Variants in IGF2BP3 observed in about 807,000 individuals in gnomAD.
IGF2BP3 encodes the protein insulin-like growth factor 2 mRNA-binding protein 3.
A neutral mutation model predicts 73.8 loss-of-function variants in IGF2BP3; 9 were observed. The observed-to-expected ratio is 0.12, with a 90% CI of 0.07 to 0.21. The LOEUF (loss-of-function observed/expected upper bound fraction) is 0.21. Ranked by LOEUF, IGF2BP3 falls within the 10% of genes least tolerant of loss-of-function variation. IGF2BP3 has a pLI of 1.00. For synonymous variants in IGF2BP3, 258 were observed against 256.7 expected (o/e 1.01, Z -0.05); for missense variants, 542 against 714.0 (o/e 0.76, Z 2.75).
At chr7:23,406,661 G>T (rs1388079390) in intron 3 of IGF2BP3, among the ~76,000 whole-genome samples, 4 of 152,130 alleles carry the variant, frequency 2.6e-5, no homozygotes, top group African/African-American at 9.7e-5. Context: ...TGTGGAAGGG[G>T]ACCCTGGCGG....
chr7:23,417,739 C>T (rs1437671824), intron 3 of IGF2BP3, among the ~76,000 whole-genome samples: 4 of 152,168 alleles, frequency 2.6e-5, no homozygotes, highest in Non-Finnish European at 4.4e-5. Flanking sequence ...ACCTATCCCA[C>T]AAGCTACTGA....
At chr7:23,331,502 G>C (rs184167680) in intron 10 of IGF2BP3, among the ~76,000 whole-genome samples, 8 of 152,230 alleles carry the variant, frequency 5.3e-5, no homozygotes, top group East Asian at 3.9e-4. Flanking sequence ...AGATGAGACA[G>C]AGTGAGACTC....
chr7:23,381,973 T>C (rs982778326), intron 3 of IGF2BP3, among the ~76,000 whole-genome samples: 3 of 152,146 alleles, frequency 2.0e-5, no homozygotes, highest in African/African-American at 7.2e-5. Context: ...TGCCACTATG[T>C]GACCTGGTGC....
At chr7:23,458,173 C>G (rs983932744) in intron 2 of IGF2BP3, among the ~76,000 whole-genome samples, 15 of 151,990 alleles carry the variant, frequency 9.9e-5, no homozygotes, top group Non-Finnish European at 2.9e-5. Flanking sequence ...TCTAACTTCC[C>G]AAGACCTCAA....
chr7:23,425,956 A>T (rs1787496858), intron 2 of IGF2BP3, among the ~76,000 whole-genome samples: 1 of 149,064 alleles, frequency 6.7e-6, no homozygotes, highest in Non-Finnish European at 1.5e-5. Flanking sequence ...ACAGGGTGAG[A>T]TCCTATCTCA....
chr7:23,448,284 T>C (rs1021411018), intron 2 of IGF2BP3, among the ~76,000 whole-genome samples: 13 of 152,362 alleles, frequency 8.5e-5, no homozygotes, highest in African/African-American at 2.6e-4. Context: ...TATCAACATG[T>C]AGGGTTCATT....
chr7:23,346,120 A>C, intron 7 of IGF2BP3, 58 bp from the exon 8 acceptor site: 1 of 1,555,864 alleles, frequency 6.4e-7, no homozygotes, highest in Non-Finnish European at 8.7e-7. Flanking sequence ...GTGGGTAAAA[A>C]GACAATATTC....
chr7:23,438,817 T>G (rs1280839128), intron 2 of IGF2BP3, among the ~76,000 whole-genome samples: 1 of 148,972 alleles, frequency 6.7e-6, no homozygotes, highest in Non-Finnish European at 1.5e-5. Flanking sequence ...AGATGACAGA[T>G]TTCCAGTAGC....
intron 9 of IGF2BP3, 150 bp from the exon 10 acceptor site, chr7:23,342,339 G>A: frequency 2.3e-6 from 2 of 860,980 alleles, no homozygotes; most frequent in South Asian, 1.6e-5. Flanking sequence ...CTCTACTTGA[G>A]TACATCGTTT....
chr7:23,439,499 G>A (rs947779860), intron 2 of IGF2BP3, among the ~76,000 whole-genome samples: 1 of 144,012 alleles, frequency 6.9e-6, no homozygotes, highest in Admixed American at 7.1e-5. Flanking sequence ...GGAGCTTGCA[G>A]TGAGCCAAGA....
chr7:23,430,326 G>C (rs1339468108), intron 2 of IGF2BP3, among the ~76,000 whole-genome samples: 1 of 152,112 alleles, frequency 6.6e-6, no homozygotes, highest in Admixed American at 6.5e-5. Flanking sequence ...CTCGTGATCC[G>C]CCCGCCTCGG....
intron 2 of IGF2BP3, among the ~76,000 whole-genome samples, chr7:23,426,194 G>A (rs1787504965): frequency 6.6e-6 from 1 of 151,820 alleles, no homozygotes; most frequent in African/African-American, 2.4e-5. Context: ...AGGCATGGTG[G>A]CACAGGCCTG....
intron 3 of IGF2BP3, chr7:23,405,139 G>A (rs1252777889): frequency 6.6e-6 from 1 of 152,152 alleles, no homozygotes; most frequent in Non-Finnish European, 1.5e-5. Context: ...TCACTTATGA[G>A]TAGTTACTCT....
intron 2 of IGF2BP3, among the ~76,000 whole-genome samples, chr7:23,430,394 T>G (rs980403666): frequency 3.9e-5 from 6 of 152,184 alleles, no homozygotes; most frequent in Non-Finnish European, 8.8e-5. Flanking sequence ...GCAAAAAAAC[T>G]GGAACACAAG....
rs200460472 is a variant in IGF2BP3 at position 23,361,625 on chromosome 7, A to G, written c.338-28T>C. The G allele has an allele frequency of 4.3e-5, 69 of 1,613,370 alleles. No homozygotes were observed. The Admixed American group carries it at 9.7e-4, about 23-fold the overall frequency. On this transcript the variant is annotated intron_variant, in intron 4 of 14. Coordinates refer to ENST00000258729, the MANE Select transcript of IGF2BP3 (RefSeq NM_006547.3). Reference sequence around the variant, plus strand: ...AGAGGAAGAGAAAAACGAAGAGAATAAAAGTTAGTTTTCTTTCTACTTCCT... The same window carrying G: ...AGAGGAAGAGAAAAACGAAGAGAATGAAAGTTAGTTTTCTTTCTACTTCCT...
intron 3 of IGF2BP3, among the ~76,000 whole-genome samples, chr7:23,411,053 G>A (rs1787002783): frequency 6.6e-6 from 1 of 152,070 alleles, no homozygotes; most frequent in Non-Finnish European, 1.5e-5. Flanking sequence ...CCACTGAGAA[G>A]AAGAAAGGCA....
chr7:23,360,092 T>C (rs191174509), intron 5 of IGF2BP3, among the ~76,000 whole-genome samples: 3 of 151,366 alleles, frequency 2.0e-5, no homozygotes, highest in Admixed American at 1.3e-4. Flanking sequence ...CAAAGTTTGA[T>C]AAAGTCCTGT....
At chr7:23,384,014 TG>T (rs1190512227) in intron 3 of IGF2BP3, among the ~76,000 whole-genome samples, 2 of 143,230 alleles carry the variant, frequency 1.4e-5, no homozygotes, top group Non-Finnish European at 3.0e-5. Context: ...GACAATGGCA[TG>T]AACCTGGGAG....
intron 3 of IGF2BP3, among the ~76,000 whole-genome samples, chr7:23,373,400 C>T (rs953587330): frequency 6.6e-5 from 10 of 152,058 alleles, no homozygotes; most frequent in African/African-American, 1.2e-4. Context: ...GTGTGTCACA[C>T]GAAAAGACGC....
Sources: allele counts gnomAD v4.1 joint callset (sites outside exome capture counted in the v4.1 genomes callset), GRCh38; gene constraint gnomAD v4.1.1; transcripts MANE v1.5; gene names NCBI Gene and HGNC (gene_info 2026-07-23, HGNC 2026-07-21).